The following KIF3A variants were observed in gnomAD, a reference collection of about 807,000 sequenced individuals.
KIF3A encodes the protein kinesin-like protein KIF3A.
KIF3A carries 27 observed loss-of-function variants against 92.6 expected under a neutral mutation model. The observed-to-expected ratio is 0.29, with a 90% CI of 0.21 to 0.40. The LOEUF (loss-of-function observed/expected upper bound fraction) is 0.40, where lower values mean the gene tolerates loss of function less well. Ranked by LOEUF, KIF3A falls within the 10% of genes least tolerant of loss-of-function variation. KIF3A has a pLI of 1.00. For missense variants in KIF3A, 581 were observed against 872.6 expected (o/e 0.67, Z 4.21); for synonymous variants, 250 against 275.4 (o/e 0.91, Z 0.92).
At chr5:132,736,865 G>T (rs1754405030) in intron 1 of KIF3A, 1 of 401,728 alleles carries the variant, frequency 2.5e-6, no homozygotes, top group Non-Finnish European at 5.0e-6. Context: ...AATCCTGGAA[G>T]ATAAACATAA....
At chr5:132,721,480 G>C (rs1193772686) in intron 4 of KIF3A, 4 of 152,094 alleles carry the variant, frequency 2.6e-5, no homozygotes, top group Non-Finnish European at 5.9e-5. Context: ...GTTGCCAGTG[G>C]GAAAAGCCAT....
chr5:132,706,526 A>C, intron 10 of KIF3A, 67 bp from the exon 11 acceptor site: 2 of 1,285,466 alleles, frequency 1.6e-6, no homozygotes, highest in South Asian at 1.4e-5. Flanking sequence ...AGGAGGAAAA[A>C]AAGGAAAACA....
intron 12 of KIF3A, 150 bp from the exon 13 acceptor site, chr5:132,703,215 C>T (rs555601301): frequency 5.7e-6 from 4 of 705,520 alleles, no homozygotes; most frequent in African/African-American, 5.4e-5. Context: ...TGTGTAGTAT[C>T]GATTTCTAAC....
chr5:132,720,160 C>G (rs996641943), intron 5 of KIF3A, among the ~76,000 whole-genome samples: 1 of 152,172 alleles, frequency 6.6e-6, no homozygotes, highest in Non-Finnish European at 1.5e-5. Context: ...GGTGTGATCA[C>G]TCACTCTACC....
chr5:132,724,812 T>C (rs1447296073), intron 4 of KIF3A, among the ~76,000 whole-genome samples: 2 of 12,456 alleles, frequency 1.6e-4, no homozygotes, highest in African/African-American at 2.4e-4. Flanking sequence ...AAAAAATATA[T>C]ATATATATAT....
At chr5:132,728,998 G>A (rs1225017613) in intron 2 of KIF3A, among the ~76,000 whole-genome samples, 1 of 152,134 alleles carries the variant, frequency 6.6e-6, no homozygotes, top group African/African-American at 2.4e-5. Context: ...TGGAACTAGA[G>A]ACTATTATTC....
At chr5:132,724,812 TATATATATATATATATATATA>T (rs1753971342) in intron 4 of KIF3A, among the ~76,000 whole-genome samples, 1 of 12,456 alleles carries the variant, frequency 8.0e-5, no homozygotes, top group Non-Finnish European at 2.0e-4. Flanking sequence ...AAAAAATATA[TATATATATATATATATATATA>T]TATATATATA....
chr5:132,731,620 G>C (rs1338577080), intron 2 of KIF3A, among the ~76,000 whole-genome samples: 6 of 152,164 alleles, frequency 3.9e-5, no homozygotes, highest in African/African-American at 1.4e-4. Flanking sequence ...TAATTTACTG[G>C]AGGTTCTAGC....
At chr5:132,729,711 CAT>C (rs1754160851) in intron 2 of KIF3A, among the ~76,000 whole-genome samples, 1 of 151,918 alleles carries the variant, frequency 6.6e-6, no homozygotes, top group Non-Finnish European at 1.5e-5. Flanking sequence ...AAAATGAAAA[CAT>C]AGTATGTCAA....
chr5:132,691,547 C>CA (rs60796392), downstream of KIF3A, among the ~76,000 whole-genome samples: 2 of 148,330 alleles, frequency 1.3e-5, no homozygotes, highest in East Asian at 2.0e-4. Context: ...AACTCCATCT[C>CA]AAAAAAAAAA....
Position 132,696,421 on chromosome 5 carries a change from A to G in KIF3A, c.*213T>C, listed in dbSNP as rs1475314302. 2.0e-6 allele frequency: 1 copy of G among 501,644 alleles called. No homozygotes were observed. The highest frequency in any genetic ancestry group is 3.2e-5 in the East Asian group (1 of 30,976). 31.1% of individuals were successfully genotyped at this position (501,644 alleles called of 1,614,324 possible). On this transcript the variant is annotated 3_prime_UTR_variant, in exon 19 of 19. Transcript: ENST00000403231. ...AGTACAATTGAAGAGTAGTAGTACA[A>G]CAATTTGAACAATCACCAGTTGTAC...
chr5:132,728,627 C>T (rs1306960377), intron 2 of KIF3A, among the ~76,000 whole-genome samples: 6 of 151,968 alleles, frequency 3.9e-5, no homozygotes, highest in Non-Finnish European at 7.4e-5. Context: ...GTCCCAGCTA[C>T]TCGGGAAGGT....
intron 18 of KIF3A, 60 bp downstream of exon 18, chr5:132,699,111 A>C (rs1752936489): frequency 6.9e-6 from 10 of 1,459,656 alleles, no homozygotes; most frequent in Non-Finnish European, 9.5e-6. Context: ...CTTCCTGTAC[A>C]TGTATCTAAT....
intron 4 of KIF3A, chr5:132,723,007 A>T (rs954629579): frequency 6.6e-6 from 1 of 152,158 alleles, no homozygotes; most frequent in Non-Finnish European, 1.5e-5. Flanking sequence ...GAATTTTTTA[A>T]AAAGTATGTG....
chr5:132,699,323 C>T (rs1456679169), intron 17 of KIF3A, 28 bp from the exon 18 acceptor site: 1 of 1,606,328 alleles, frequency 6.2e-7, no homozygotes, highest in African/African-American at 1.3e-5. Flanking sequence ...ACACAAAGCA[C>T]TCTTAAGGCA....
At chr5:132,710,471 C>G (rs1348849892) in intron 9 of KIF3A, among the ~76,000 whole-genome samples, 2 of 152,102 alleles carry the variant, frequency 1.3e-5, no homozygotes, top group Non-Finnish European at 2.9e-5. Flanking sequence ...AAAAAATTAG[C>G]CGGGCGAGGT....
At chr5:132,702,758 T>C (rs1310933489) in intron 13 of KIF3A, 90 bp from the exon 14 acceptor site, 2 of 1,294,210 alleles carry the variant, frequency 1.5e-6, no homozygotes, top group South Asian at 1.3e-5. Context: ...GTTTAGCAAA[T>C]CTGATCTTCA....
chr5:132,713,171 C>T (rs1753488505), intron 8 of KIF3A, among the ~76,000 whole-genome samples: 1 of 140,630 alleles, frequency 7.1e-6, no homozygotes, highest in Non-Finnish European at 1.5e-5. Context: ...AAAAAACAAA[C>T]AACAACAACA....
At chr5:132,731,713 AT>A (rs57057488) in intron 2 of KIF3A, among the ~76,000 whole-genome samples, 4,165 of 142,736 alleles carry the variant, frequency 0.029, 97 homozygotes, top group African/African-American at 0.07. Context: ...TGCAAACAAC[AT>A]TTTTTTTTTT....
Sources: gnomAD v4.1 joint callset for allele counts (sites outside exome capture counted in the v4.1 genomes callset) on GRCh38, gnomAD v4.1.1 for gene constraint, MANE v1.5 for transcripts, NCBI Gene and HGNC (gene_info 2026-07-23, HGNC 2026-07-21) for gene names.